ESD: variants seen among roughly 807,000 people sequenced by gnomAD.
The protein encoded by ESD is S-formylglutathione hydrolase.
ESD carries 34 observed loss-of-function variants against 38.1 expected under a neutral mutation model. The ratio of observed to expected loss-of-function variants is 0.89; its 90% CI spans 0.68 to 1.19. ESD has a LOEUF of 1.19. Among genes scored for constraint, ESD ranks in the 50% most tolerant of loss-of-function variants. The probability of loss-of-function intolerance (pLI) is 0.00; values close to 1 mark genes in which losing one functional copy is unlikely to be tolerated. For synonymous variants in ESD, 97 were observed against 107.0 expected (o/e 0.91, Z 0.58); for missense variants, 334 against 327.2 (o/e 1.02, Z -0.16).
rs1365758094 is a variant in ESD, at chr13:46,779,922, A to T, written c.600+13T>A. 6.3e-7 allele frequency: 1 copy of T among 1,582,088 alleles called. No homozygotes were observed. Among genetic ancestry groups the T allele is most frequent in the Non-Finnish European group, 8.7e-7 (1 of 1,155,702 alleles). On this transcript the variant is annotated intron_variant, in intron 8 of 9. Transcript: ENST00000378720. ...CTTAAGAATGAGTATTAAGACAGCC[A>T]TTCAGTACCTACCTTCCATTTACTT... is the stretch of plus-strand genomic sequence containing the variant.
chr13:46,788,706 C>T (rs1272785998), intron 3 of ESD, among the ~76,000 whole-genome samples: 1 of 144,682 alleles, frequency 6.9e-6, no homozygotes, highest in African/African-American at 2.5e-5. Context: ...ACAGGATTAT[C>T]AAGCAATCTT....
In ESD at chr13:46,779,592, A is replaced by G. The variant is rs151269944; in HGVS notation, c.600+343T>C. On this transcript the variant is annotated intron_variant, in intron 8 of 9. Coordinates refer to ENST00000378720, the MANE Select transcript of ESD (RefSeq NM_001984.2). ...TGTGGTATTTTTTGGTTAATTTAGA[A>G]GTGATGTTAATTTAGAAATAAAAAT... Among the ~76,000 whole-genome samples, 345 of 150,998 alleles carry G rather than the reference A, an allele frequency of 2.3e-3. 3 individuals are homozygous for G. Among genetic ancestry groups the G allele is most frequent in the African/African-American group, 7.5e-3 (311 of 41,316 alleles).
At chr13:46,792,688 T>C (rs1025485039) in intron 2 of ESD, among the ~76,000 whole-genome samples, 3 of 152,010 alleles carry the variant, frequency 2.0e-5, no homozygotes, top group Non-Finnish European at 4.4e-5. Flanking sequence ...ATCTGCTCAG[T>C]TTTATGCTTT....
In ESD at chr13:46,771,471, A is replaced by G. The variant is rs747238256; in HGVS notation, c.794T>C (p.Ile265Thr). 2 of 1,606,788 alleles carry G rather than the reference A, an allele frequency of 1.2e-6. No homozygotes were observed. Among genetic ancestry groups the G allele is most frequent in the East Asian group, 4.5e-5 (2 of 44,668 alleles). Residue 265 changes from isoleucine to threonine, a missense_variant, in exon 10 of 10, where the codon ATT (isoleucine) becomes ACT (threonine). Ile to Thr is a moderately conservative substitution (Grantham distance 89, BLOSUM62 -1). Transcript: ENST00000378720. ...QEGYDHSYYF[I>T]ATFITDHIRH... is the part of the protein sequence containing the mutation. ...GATGTGGTCAGTAATAAAGGTTGCA[A>G]TGAAGTAGTAGCTATGATCATAACC...
chr13:46,788,665 T>C (rs987308587), intron 3 of ESD, among the ~76,000 whole-genome samples: 29 of 138,688 alleles, frequency 2.1e-4, no homozygotes, highest in African/African-American at 7.6e-4. Context: ...TTAACACTTA[T>C]GTAAAAGCAA....
intron 5 of ESD, among the ~76,000 whole-genome samples, chr13:46,783,634 G>A (rs1244824438): frequency 6.6e-6 from 1 of 151,576 alleles, no homozygotes; most frequent in African/African-American, 2.4e-5. Flanking sequence ...CATTGTTTTT[G>A]TATAATATGG....
chr13:46,789,148 C>CTTA (rs1875302392), intron 3 of ESD, among the ~76,000 whole-genome samples: 2 of 152,156 alleles, frequency 1.3e-5, no homozygotes, highest in Non-Finnish European at 2.9e-5. Flanking sequence ...CTTAATATAG[C>CTTA]TCCACTCATC....
chr13:46,780,865 C>T (rs1874972968), intron 7 of ESD, among the ~76,000 whole-genome samples: 1 of 151,726 alleles, frequency 6.6e-6, no homozygotes, highest in African/African-American at 2.4e-5. Context: ...AGGGCATGAA[C>T]AGCCCTGTAA....
At chr13:46,775,862 T>C (rs1259365962) in intron 9 of ESD, 1 of 267,324 alleles carries the variant, frequency 3.7e-6, no homozygotes, top group Non-Finnish European at 7.6e-6. Flanking sequence ...TAGAAACAAA[T>C]AAGTGGACTT....
At chr13:46,777,390 T>C in intron 9 of ESD, 66 bp downstream of exon 9, 1 of 1,254,004 alleles carries the variant, frequency 8.0e-7, no homozygotes, top group South Asian at 1.9e-5. Flanking sequence ...GTTAAGAAAA[T>C]ATCACAGAAT....
chr13:46,775,992 G>C (rs1874785617), intron 9 of ESD: 2 of 226,072 alleles, frequency 8.8e-6, no homozygotes, highest in Non-Finnish European at 1.8e-5. Context: ...TTTGGGCCCA[G>C]TCTTTGGGGA....
intron 5 of ESD, among the ~76,000 whole-genome samples, chr13:46,783,260 T>C (rs1279755556): frequency 6.6e-5 from 10 of 151,956 alleles, no homozygotes; most frequent in Admixed American, 6.6e-4. Context: ...CAACTTACTA[T>C]CTTGAACTGA....
intron 4 of ESD, among the ~76,000 whole-genome samples, chr13:46,785,342 A>G (rs1263154764): frequency 6.6e-6 from 1 of 151,996 alleles, no homozygotes; most frequent in East Asian, 1.9e-4. Context: ...TTTGGCTATT[A>G]TAATAGTGTG....
At chr13:46,794,766 T>C (rs928066001) in intron 1 of ESD, among the ~76,000 whole-genome samples, 1 of 152,188 alleles carries the variant, frequency 6.6e-6, no homozygotes, top group African/African-American at 2.4e-5. Flanking sequence ...ATAACTGCTG[T>C]TGACCACCAC....
rs1421607504 is a variant in ESD at position 46,777,531 on chromosome 13, A to T, written c.693T>A (p.Asp231Glu). The change falls in exon 9 of 10, where the codon GAT (aspartate) becomes GAA (glutamate). Residue 231 changes from aspartate (D) to glutamate (E), a missense_variant. Physicochemically the swap from Asp to Glu is conservative, Grantham distance 45 (BLOSUM62 2). Coordinates refer to ENST00000378720, the MANE Select transcript of ESD (RefSeq NM_001984.2). ...DQGKDDQFLL[D>E]GQLLPDNFIA... is the part of the protein sequence containing the mutation. The stretch of plus-strand genomic sequence containing the variant: ...TGAAGTTATCAGGGAGTAACTGTCC[A>T]TCTAAAAGAAACTGGTCATCTTTCC... The T allele has an allele frequency of 2.5e-6, 4 of 1,611,562 alleles. No homozygotes were observed. The highest frequency in any genetic ancestry group is 3.4e-6 in the Non-Finnish European group (4 of 1,178,356).
Position 46,784,350 on chromosome 13 carries a change from C to T in ESD, c.158G>A (p.Gly53Asp). Residue 53 changes from glycine (G) to aspartate (D), a missense_variant and splice_region_variant, in exon 5 of 10, where the codon GGT (glycine) becomes GAT (aspartate). Gly to Asp is a moderately conservative substitution (Grantham distance 94, BLOSUM62 -1). Transcript: ENST00000378720. ...AAAATTTTGCTCTGTGCAAGTTAAACCTGAAGATAAAAAATATTGTTATTG... is the reference window on the plus strand; with the variant it reads ...AAAATTTTGCTCTGTGCAAGTTAAATCTGAAGATAAAAAATATTGTTATTG... ...GKCPALYWLS[G>D]LTCTEQNFIS... is the part of the protein sequence containing the mutation. 1 of 1,599,718 alleles carries T rather than the reference C, an allele frequency of 6.3e-7. No individual in the cohort carries two copies. The highest frequency in any genetic ancestry group is 8.5e-7 in the Non-Finnish European group (1 of 1,169,954).
intron 9 of ESD, among the ~76,000 whole-genome samples, chr13:46,773,029 G>A (rs1392627076): frequency 6.6e-6 from 1 of 152,030 alleles, no homozygotes; most frequent in Non-Finnish European, 1.5e-5. Flanking sequence ...GAGGATAATG[G>A]CTTCCAACTC....
chr13:46,775,880 C>T (rs1430343698), intron 9 of ESD: 1 of 277,558 alleles, frequency 3.6e-6, no homozygotes, highest in Non-Finnish European at 7.2e-6. Flanking sequence ...CTTATTTTTC[C>T]CTCCAGGAAT....
chr13:46,775,578 A>G, intron 9 of ESD: 1 of 453,894 alleles, frequency 2.2e-6, no homozygotes, highest in Non-Finnish European at 4.5e-6. Context: ...GAAAATCTGA[A>G]AGCAGACTCT....
Sources: gnomAD v4.1 joint callset for allele counts (sites outside exome capture counted in the v4.1 genomes callset) on GRCh38, gnomAD v4.1.1 for gene constraint, MANE v1.5 for transcripts, NCBI Gene and HGNC (gene_info 2026-07-23, HGNC 2026-07-21) for gene names.